Variants in UGT2B10 observed in about 807,000 individuals in gnomAD.
UGT2B10 encodes UDP-glucuronosyltransferase 2B10.
In UGT2B10, 51 loss-of-function variants were observed where a neutral mutation model predicts 43.7. The observed-to-expected ratio is 1.17, with a 90% CI of 0.93 to 1.47. UGT2B10 has a LOEUF of 1.47. Among genes scored for constraint, UGT2B10 ranks in the 40% most tolerant of loss-of-function variants. UGT2B10 has a pLI of 0.00. For missense variants in UGT2B10, 696 were observed against 617.7 expected (o/e 1.13, Z -1.34); for synonymous variants, 225 against 209.0 (o/e 1.08, Z -0.66).
At chr4:68,818,710 C>T (rs1331616085) in intron 2 of UGT2B10, among the ~76,000 whole-genome samples, 1 of 151,556 alleles carries the variant, frequency 6.6e-6, no homozygotes, top group Admixed American at 6.6e-5. Context: ...GAACAATATG[C>T]AGGAATAGGG....
At chr4:68,820,527 A>C (rs1737439595) in intron 2 of UGT2B10, among the ~76,000 whole-genome samples, 1 of 152,056 alleles carries the variant, frequency 6.6e-6, no homozygotes, top group Non-Finnish European at 1.5e-5. Flanking sequence ...TACATGAAAT[A>C]ATGATTAGAA....
rs1447221943 is a variant in UGT2B10, at chr4:68,826,500, A to G, written c.1087+3A>G. ...GATACCCCAGAATGACCTTCTAGGT[A>G]ACACTCTGGTGAACAATACTGGATA... On this transcript the variant is annotated splice_donor_region_variant and intron_variant, in intron 4 of 5. Transcript: ENST00000265403. 6.2e-7 allele frequency: 1 copy of G among 1,611,218 alleles called. No homozygotes were observed. The highest frequency in any genetic ancestry group is 2.2e-5 in the East Asian group (1 of 44,684).
chr4:68,818,710 C>A (rs1331616085), intron 2 of UGT2B10, among the ~76,000 whole-genome samples: 1 of 151,556 alleles, frequency 6.6e-6, no homozygotes, highest in East Asian at 1.9e-4. Flanking sequence ...GAACAATATG[C>A]AGGAATAGGG....
intron 5 of UGT2B10, among the ~76,000 whole-genome samples, chr4:68,829,029 C>A (rs1402981495): frequency 6.6e-6 from 1 of 151,930 alleles, no homozygotes; most frequent in African/African-American, 2.4e-5. Context: ...ATATACCCAA[C>A]AGATATGTAT....
chr4:68,818,204 T>C, intron 2 of UGT2B10, 27 bp downstream of exon 2: 1 of 1,603,950 alleles, frequency 6.2e-7, no homozygotes, highest in Non-Finnish European at 8.5e-7. Context: ...TGGTTTTATT[T>C]TGTTGGCTTC....
intron 3 of UGT2B10, among the ~76,000 whole-genome samples, chr4:68,822,971 C>T (rs1219809762): frequency 6.6e-6 from 1 of 151,950 alleles, no homozygotes; most frequent in Non-Finnish European, 1.5e-5. Context: ...CTCTGGAAGC[C>T]CTTGGTGAAT....
chr4:68,821,090 C>T (rs1173026004), intron 2 of UGT2B10, among the ~76,000 whole-genome samples: 1 of 152,308 alleles, frequency 6.6e-6, no homozygotes, highest in African/African-American at 2.4e-5. Flanking sequence ...CAGGGACTCT[C>T]ACGTTAACTT....
In UGT2B10 at chr4:68,816,439, A is replaced by G; in HGVS notation, c.420A>G (p.Gln140=). Residue 140 remains glutamine, a synonymous_variant, in exon 1 of 6, where the codon CAA becomes CAG. Coordinates refer to ENST00000265403, the MANE Select transcript of UGT2B10 (RefSeq NM_001075.6). ...VSNKKLMKKL[Q]ESRFDIVFAD... ...ATAAGAAACTTATGAAAAAACTACA[A>G]GAGTCAAGATTTGACATCGTTTTTG... 3 of 1,613,172 alleles carry G rather than the reference A, an allele frequency of 1.9e-6. No homozygotes were observed. The highest frequency in any genetic ancestry group is 2.2e-5 in the South Asian group (2 of 91,060).
At position 68,816,396 on chromosome 4, in the gene UGT2B10, G is replaced by C. The variant is rs902629317; in HGVS notation, c.377G>C (p.Cys126Ser). 3 of 1,612,628 alleles carry C rather than the reference G, an allele frequency of 1.9e-6. No homozygotes were observed. Among genetic ancestry groups the C allele is most frequent in the Middle Eastern group, 1.6e-4 (1 of 6,076 alleles). The change falls in exon 1 of 6, where the codon TGT (cysteine) becomes TCT (serine). Residue 126 changes from cysteine to serine, a missense_variant. Coordinates refer to ENST00000265403, the MANE Select transcript of UGT2B10 (RefSeq NM_001075.6). ...ATTAATGACATAATTAGAAACTTCTGTAAAGATGTAGTTTCAAATAAGAAA... is the reference window on the plus strand; with the variant it reads ...ATTAATGACATAATTAGAAACTTCTCTAAAGATGTAGTTTCAAATAAGAAA... ...WAINDIIRNF[C>S]KDVVSNKKLM...
intron 3 of UGT2B10, among the ~76,000 whole-genome samples, chr4:68,825,830 G>A (rs866352773): frequency 1.3e-5 from 2 of 152,020 alleles, no homozygotes; most frequent in Non-Finnish European, 2.9e-5. Context: ...GACAGAACAA[G>A]TTATAGTCCT....
At chr4:68,817,244 C>T (rs1242374179) in intron 1 of UGT2B10, among the ~76,000 whole-genome samples, 1 of 151,574 alleles carries the variant, frequency 6.6e-6, no homozygotes, top group Non-Finnish European at 1.5e-5. Flanking sequence ...ATCTCAGATG[C>T]AAAAATCAAT....
rs1265368683 is a variant in UGT2B10 at position 68,816,026 on chromosome 4, C to A, written c.7C>A (p.Leu3Met). Residue 3 changes from leucine (L) to methionine (M), a missense_variant, in exon 1 of 6, where the codon CTG becomes ATG. Coordinates refer to ENST00000265403, the MANE Select transcript of UGT2B10 (RefSeq NM_001075.6). MALKWTTVLLIQL... is the reference protein window; with the variant it reads MAMKWTTVLLIQL... ...ATTATCACATTGCACAAGGATGGCT[C>A]TGAAATGGACTACAGTTCTGCTGAT... 6.2e-7 allele frequency: 1 copy of A among 1,612,620 alleles called. No individual in the cohort carries two copies. Among genetic ancestry groups the A allele is most frequent in the Non-Finnish European group, 8.5e-7 (1 of 1,179,052 alleles).
intron 1 of UGT2B10, 51 bp from the exon 2 acceptor site, chr4:68,817,978 T>C: frequency 6.4e-7 from 1 of 1,566,880 alleles, no homozygotes; most frequent in South Asian, 1.2e-5. Context: ...GAAAATTACA[T>C]AAAGTAATTA....
In UGT2B10 at chr4:68,816,258, T is replaced by A. The variant is rs370808333; in HGVS notation, c.239T>A (p.Leu80Ter). 3.2e-5 allele frequency: 51 copies of A among 1,613,170 alleles called. No homozygotes were observed. The highest frequency in any genetic ancestry group is 4.2e-5 in the Non-Finnish European group (50 of 1,179,444). ...TLKLEVYPTS[L>*]TKTEFENIIM... ...AAACTTGAAGTTTATCCTACATCTT[T>A]AACTAAAACTGAATTTGAGAATATC... Residue 80 changes from leucine to a stop codon, truncating the protein, a stop_gained, in exon 1 of 6, where the codon TTA (leucine) becomes TAA (stop). Coordinates refer to ENST00000265403, the MANE Select transcript of UGT2B10 (RefSeq NM_001075.6). LOFTEE classifies it high-confidence loss of function.
intron 5 of UGT2B10, among the ~76,000 whole-genome samples, chr4:68,828,074 T>C (rs2109703143): frequency 6.6e-6 from 1 of 152,102 alleles, no homozygotes; most frequent in East Asian, 1.9e-4. Flanking sequence ...CACCAGTGTA[T>C]AAGTTTGGAA....
intron 2 of UGT2B10, among the ~76,000 whole-genome samples, chr4:68,820,039 T>C (rs1737415206): frequency 6.6e-6 from 1 of 151,970 alleles, no homozygotes; most frequent in Non-Finnish European, 1.5e-5. Context: ...GAGGTAAGAC[T>C]AATGAAAAAT....
Position 68,830,776 on chromosome 4 carries a change from T to G in UGT2B10, c.1484T>G (p.Phe495Cys). ...TACCACTCTTTGGATGTGATTGGGTTCCTGCTGGCTTGTGTGGCAACCGTG... is the reference window on the plus strand; with the variant it reads ...TACCACTCTTTGGATGTGATTGGGTGCCTGCTGGCTTGTGTGGCAACCGTG... ...FQYHSLDVIG[F>C]LLACVATVLF... Residue 495 changes from phenylalanine to cysteine, a missense_variant, in exon 6 of 6, where the codon TTC (phenylalanine) becomes TGC (cysteine). Physicochemically the swap from Phe to Cys is radical, Grantham distance 205 (BLOSUM62 -2). Transcript: ENST00000265403. 1 of 1,613,446 alleles carries G rather than the reference T, an allele frequency of 6.2e-7. No individual in the cohort carries two copies. Among genetic ancestry groups the G allele is most frequent in the South Asian group, 1.1e-5 (1 of 91,074 alleles).
chr4:68,824,321 G>T (rs1030368428), intron 3 of UGT2B10, among the ~76,000 whole-genome samples: 8 of 152,292 alleles, frequency 5.3e-5, no homozygotes, highest in African/African-American at 1.7e-4. Context: ...AAAGGAAAAG[G>T]TGCAGATGGA....
At chr4:68,827,983 T>G (rs1737886221) in intron 5 of UGT2B10, among the ~76,000 whole-genome samples, 1 of 151,998 alleles carries the variant, frequency 6.6e-6, no homozygotes, top group Non-Finnish European at 1.5e-5. Flanking sequence ...AAATGAGATT[T>G]AATTTTGATA....
Sources: allele counts gnomAD v4.1 joint callset (sites outside exome capture counted in the v4.1 genomes callset), GRCh38; gene constraint gnomAD v4.1.1; transcripts MANE v1.5; gene names NCBI Gene and HGNC (gene_info 2026-07-23, HGNC 2026-07-21).